DLGAP1: variants seen among roughly 807,000 people sequenced by gnomAD.
DLGAP1 encodes DLG associated protein 1.
In DLGAP1, 11 loss-of-function variants were observed where a neutral mutation model predicts 90.8. That is an observed-to-expected ratio of 0.12 (90% CI 0.08 to 0.20). DLGAP1 has a LOEUF of 0.20. DLGAP1 is among the 10% of genes least tolerant of loss of function. The probability of loss-of-function intolerance (pLI) is 1.00; values close to 1 mark genes in which losing one functional copy is unlikely to be tolerated. For missense variants in DLGAP1, 1,050 were observed against 1,333.8 expected, an observed-to-expected ratio of 0.79 and a Z score of 3.31; for synonymous variants, 558 against 540.7, an observed-to-expected ratio of 1.03 and a Z score of -0.44.
intron 1 of DLGAP1, among the ~76,000 whole-genome samples, chr18:4,186,994 T>C (rs2077307352): frequency 6.6e-6 from 1 of 152,186 alleles, no homozygotes; most frequent in Admixed American, 6.6e-5. Context: ...ATTAGCTAGG[T>C]ATTGTCTTTC....
intron 7 of DLGAP1, among the ~76,000 whole-genome samples, chr18:3,586,022 G>T (rs2055862059): frequency 6.6e-6 from 1 of 152,162 alleles, no homozygotes; most frequent in African/African-American, 2.4e-5. Flanking sequence ...GGTGGCTGTT[G>T]TCAGCTCATC....
chr18:3,777,487 C>T (rs560787593), intron 5 of DLGAP1, among the ~76,000 whole-genome samples: 38 of 152,102 alleles, frequency 2.5e-4, no homozygotes, highest in Admixed American at 3.9e-4. Flanking sequence ...GAGAAGGGAG[C>T]GATGGGTTAT....
Position 4,091,366 on chromosome 18 carries a change from T to C in DLGAP1, c.-159+59814A>G, listed in dbSNP as rs2075771161. On this transcript the variant is annotated intron_variant, in intron 2 of 12. Transcript: ENST00000315677. ...AGGTGTGTGGATTTCTTTTTCTATT[T>C]ATATTCTTTGAGGTTTTATGAGTGT... Among the ~76,000 whole-genome samples the C allele has an allele frequency of 2.6e-5, 4 of 152,230 alleles. No homozygotes were observed. The South Asian group carries it at 6.2e-4, about 24-fold the overall frequency.
At chr18:3,823,021 T>A (rs1226697767) in intron 4 of DLGAP1, among the ~76,000 whole-genome samples, 3 of 152,182 alleles carry the variant, frequency 2.0e-5, no homozygotes, top group African/African-American at 4.8e-5. Flanking sequence ...GAAATGAATT[T>A]TATTAATTAT....
chr18:4,223,659 C>T (rs747829731), intron 1 of DLGAP1, among the ~76,000 whole-genome samples: 2 of 152,142 alleles, frequency 1.3e-5, no homozygotes, highest in Non-Finnish European at 2.9e-5. Context: ...TATGTAAAGG[C>T]ATTACTATAA....
rs139876436 is a variant in DLGAP1, at chr18:4,324,388, A to G, written c.-267+130618T>C. On this transcript the variant is annotated intron_variant, in intron 1 of 12. Transcript: ENST00000315677. Reference sequence around the variant, plus strand: ...ATCAGTCATAAAAAGCCTACCAACCAAAAAAAAGCCCAAGGCCAGATGGAT... The same window carrying G: ...ATCAGTCATAAAAAGCCTACCAACCGAAAAAAAGCCCAAGGCCAGATGGAT... Among the ~76,000 whole-genome samples, 831 of 151,250 alleles carry G rather than the reference A, an allele frequency of 5.5e-3. 11 individuals carry two copies. The highest frequency in any genetic ancestry group is 0.02 in the African/African-American group (808 of 41,254).
intron 7 of DLGAP1, among the ~76,000 whole-genome samples, chr18:3,723,567 G>C (rs547668273): frequency 3.9e-5 from 6 of 152,048 alleles, no homozygotes; most frequent in Admixed American, 6.6e-5. Context: ...TTTGTGTGGG[G>C]GGGGAGTGGG....
At chr18:4,037,347 T>C (rs944429381) in intron 2 of DLGAP1, among the ~76,000 whole-genome samples, 11 of 152,120 alleles carry the variant, frequency 7.2e-5, no homozygotes, top group Non-Finnish European at 1.5e-4. Context: ...GAGAAGGTGA[T>C]AGCCATTTTT....
At chr18:3,549,617 C>T (rs1165005707) in intron 9 of DLGAP1, among the ~76,000 whole-genome samples, 2 of 152,160 alleles carry the variant, frequency 1.3e-5, no homozygotes, top group African/African-American at 4.8e-5. Flanking sequence ...AGGCGTGAGC[C>T]ACCACCCCTG....
intron 1 of DLGAP1, among the ~76,000 whole-genome samples, chr18:4,420,928 C>G (rs2615862): frequency 0.94 from 142,504 of 152,040 alleles, 67,445 homozygotes; most frequent in East Asian, 1. Flanking sequence ...CTTTCCACTC[C>G]GTCTGTTATA....
intron 9 of DLGAP1, among the ~76,000 whole-genome samples, chr18:3,540,044 T>C (rs928725357): frequency 2.6e-5 from 4 of 152,212 alleles, no homozygotes; most frequent in Non-Finnish European, 5.9e-5. Context: ...ATGCTACTCC[T>C]AGAAAGTGCA....
rs1568109094 is a variant in DLGAP1 at position 3,772,372 on chromosome 18, CTTTCTTTCTT to C, written c.1173-29870_1173-29861del. On this transcript the variant is annotated intron_variant, in intron 5 of 12. Coordinates refer to ENST00000315677, the MANE Select transcript of DLGAP1 (RefSeq NM_004746.4). ...TCTTTCTTTCTTTCTTTCTTTCTTT[CTTTCTTTCTT>C]TCTTTCTTTCTTTCTTTCTTTCTTT... Among the ~76,000 whole-genome samples, 7 of 18,070 alleles carry C rather than the reference CTTTCTTTCTT, an allele frequency of 3.9e-4. 1 individual carries two copies. Among genetic ancestry groups the C allele is most frequent in the Non-Finnish European group, 1.1e-3 (6 of 5,650 alleles). The allele number at this position is 18,070 out of a possible 152,430, so 11.9% of individuals were successfully genotyped here. A position where few individuals can be genotyped will look rare whatever the true frequency, so the allele number is the denominator to read the frequency against.
At chr18:3,631,998 A>G (rs2058542652) in intron 7 of DLGAP1, among the ~76,000 whole-genome samples, 2 of 151,684 alleles carry the variant, frequency 1.3e-5, no homozygotes, top group Admixed American at 1.3e-4. Context: ...CTGGCCTCCA[A>G]CTCCTGGCTC....
chr18:3,974,692 A>C (rs2073532144), intron 3 of DLGAP1, among the ~76,000 whole-genome samples: 1 of 152,170 alleles, frequency 6.6e-6, no homozygotes, highest in Admixed American at 6.5e-5. Flanking sequence ...GAAAACATTC[A>C]ATGTCAAAAG....
At chr18:3,673,839 C>T (rs777000623) in intron 7 of DLGAP1, among the ~76,000 whole-genome samples, 3 of 147,484 alleles carry the variant, frequency 2.0e-5, no homozygotes, top group Non-Finnish European at 4.4e-5. Flanking sequence ...AGCCACTGTA[C>T]CCAGCCTTTT....
chr18:3,924,501 T>C (rs1039565409), intron 3 of DLGAP1, among the ~76,000 whole-genome samples: 20 of 152,160 alleles, frequency 1.3e-4, no homozygotes, highest in African/African-American at 4.6e-4. Context: ...TCAATGCCAT[T>C]AGCATACACA....
rs1555621484 is a variant in DLGAP1 at position 4,454,406 on chromosome 18, T to TTCTCTC, written c.-267+594_-267+599dup. ...CAGTGACCTCCTCCTTGGACCCCAT[T>TTCTCTC]TCTCTCTCTCTCTCTCTCTCTGTGC... is the stretch of plus-strand genomic sequence containing the variant. On this transcript the variant is annotated intron_variant, in intron 1 of 12. Transcript: ENST00000315677. This position sits in a 1 kb window ranked among gnomAD's most constrained non-coding sequence, Gnocchi z 4.7. Among the ~76,000 whole-genome samples the TTCTCTC allele has an allele frequency of 2.0e-5, 3 of 150,558 alleles. No individual in the cohort carries two copies. Among genetic ancestry groups the TTCTCTC allele is most frequent in the African/African-American group, 7.3e-5 (3 of 41,042 alleles).
At chr18:4,197,188 TAAAAA>T (rs532844849) in intron 1 of DLGAP1, among the ~76,000 whole-genome samples, 1 of 73,752 alleles carries the variant, frequency 1.4e-5, no homozygotes, top group Non-Finnish European at 2.6e-5. Context: ...TAAAAAAAAG[TAAAAA>T]AAAAAAAAAA....
chr18:3,952,991 C>G (rs924524804), intron 3 of DLGAP1, among the ~76,000 whole-genome samples: 2 of 152,154 alleles, frequency 1.3e-5, no homozygotes, highest in African/African-American at 4.8e-5. Flanking sequence ...GTGTTCTGCC[C>G]TTGGAAGACT....
Sources: allele counts gnomAD v4.1 joint callset (sites outside exome capture counted in the v4.1 genomes callset), GRCh38; gene constraint gnomAD v4.1.1; non-coding constraint Gnocchi (gnomAD v3.1); transcripts MANE v1.5; gene names NCBI Gene and HGNC (gene_info 2026-07-23, HGNC 2026-07-21).